The following HS3ST4 variants were observed in gnomAD, a reference collection of about 807,000 sequenced individuals.
The protein encoded by HS3ST4 is heparan sulfate-glucosamine 3-sulfotransferase 4.
A neutral mutation model predicts 29.2 loss-of-function variants in HS3ST4; 17 were observed. That is an observed-to-expected ratio of 0.58 (90% confidence interval 0.40 to 0.87). HS3ST4 has a LOEUF of 0.87. Among genes scored for constraint, HS3ST4 ranks in the 40% least tolerant of loss-of-function variants. The pLI, the probability that HS3ST4 is intolerant of heterozygous loss-of-function variation, is 0.00. For synonymous variants in HS3ST4, 314 were observed against 285.7 expected, an observed-to-expected ratio of 1.10 and a Z score of -1.00; for missense variants, 627 against 634.5, an observed-to-expected ratio of 0.99 and a Z score of 0.13.
intron 1 of HS3ST4, among the ~76,000 whole-genome samples, chr16:25,773,265 C>A (rs1330092255): frequency 1.3e-5 from 2 of 152,162 alleles, no homozygotes; most frequent in Admixed American, 1.3e-4. Context: ...TTCCTCAGCT[C>A]CAGCACCTCC....
chr16:25,957,031 G>GTTGAGTC (rs1435147066), intron 1 of HS3ST4, among the ~76,000 whole-genome samples: 1 of 150,040 alleles, frequency 6.7e-6, no homozygotes, highest in Non-Finnish European at 1.5e-5. Context: ...TGGGTTTTGT[G>GTTGAGTC]TTGAGTCTGG....
intron 1 of HS3ST4, among the ~76,000 whole-genome samples, chr16:25,920,103 C>G (rs1404168178): frequency 6.6e-6 from 1 of 152,090 alleles, no homozygotes; most frequent in Non-Finnish European, 1.5e-5. Context: ...CCCATGATTT[C>G]TAATGTCAGT....
At chr16:25,733,443 C>G (rs985206937) in intron 1 of HS3ST4, among the ~76,000 whole-genome samples, 1 of 152,068 alleles carries the variant, frequency 6.6e-6, no homozygotes, top group Non-Finnish European at 1.5e-5. Flanking sequence ...AGCATCTAGC[C>G]CCGTCATGAG....
chr16:25,852,711 CAG>C (rs1967534023), intron 1 of HS3ST4, among the ~76,000 whole-genome samples: 1 of 152,068 alleles, frequency 6.6e-6, no homozygotes, highest in Non-Finnish European at 1.5e-5. Context: ...TTTTGTCAAA[CAG>C]AAGTTTTAAA....
chr16:25,715,367 C>T (rs923140796), intron 1 of HS3ST4, among the ~76,000 whole-genome samples: 13 of 148,540 alleles, frequency 8.8e-5, no homozygotes, highest in East Asian at 5.8e-4. Flanking sequence ...AAAAACTCAG[C>T]GCCTTTTGTG....
intron 1 of HS3ST4, among the ~76,000 whole-genome samples, chr16:25,782,223 A>G (rs1312513138): frequency 1.3e-5 from 2 of 152,108 alleles, no homozygotes; most frequent in Non-Finnish European, 2.9e-5. Context: ...CCATAATCCA[A>G]TCACTTCCCA....
intron 1 of HS3ST4, among the ~76,000 whole-genome samples, chr16:26,070,265 G>T (rs1219452185): frequency 6.6e-6 from 1 of 152,200 alleles, no homozygotes. Flanking sequence ...GGTGTGAGAT[G>T]ATATGTCATT....
At chr16:25,973,745 G>T in intron 1 of HS3ST4, among the ~76,000 whole-genome samples, 1 of 152,078 alleles carries the variant, frequency 6.6e-6, no homozygotes, top group Non-Finnish European at 1.5e-5. Context: ...TATTAATTCG[G>T]GACTTTTAAA....
intron 1 of HS3ST4, among the ~76,000 whole-genome samples, chr16:25,712,276 C>T (rs536803241): frequency 3.3e-5 from 5 of 152,302 alleles, no homozygotes; most frequent in African/African-American, 1.2e-4. Context: ...ACTCCCAGCA[C>T]TTTCAGAAGC....
intron 1 of HS3ST4, among the ~76,000 whole-genome samples, chr16:25,798,862 A>G (rs551614989): frequency 5.3e-4 from 80 of 152,284 alleles, no homozygotes; most frequent in African/African-American, 1.8e-3. Context: ...GATTCATCAG[A>G]CATGCCCGTC....
chr16:25,828,242 C>CTA (rs1371928058), intron 1 of HS3ST4, among the ~76,000 whole-genome samples: 7 of 75,030 alleles, frequency 9.3e-5, no homozygotes, highest in Admixed American at 3.0e-4. Context: ...TTCTTTCTTT[C>CTA]TCTTTCTTTC....
chr16:26,112,234 GTGTGTGTGTGTGTGTA>G (rs1436599297), intron 1 of HS3ST4, among the ~76,000 whole-genome samples: 1 of 99,400 alleles, frequency 1.0e-5, no homozygotes, highest in Admixed American at 9.1e-5. Flanking sequence ...CCATGCTCGA[GTGTGTGTGTGTGTGTA>G]TGTGTGTGTG....
intron 1 of HS3ST4, among the ~76,000 whole-genome samples, chr16:26,031,046 T>C (rs541386650): frequency 6.6e-6 from 1 of 152,340 alleles, no homozygotes; most frequent in African/African-American, 2.4e-5. Context: ...ATTAGATTTA[T>C]GTAAAGTACC....
intron 1 of HS3ST4, among the ~76,000 whole-genome samples, chr16:25,867,456 C>T (rs1028947397): frequency 2.6e-5 from 4 of 152,166 alleles, no homozygotes; most frequent in Admixed American, 6.5e-5. Flanking sequence ...GGTCCATGTG[C>T]GGCTTTAGAA....
chr16:25,919,572 G>A (rs917111395), intron 1 of HS3ST4, among the ~76,000 whole-genome samples: 4 of 152,170 alleles, frequency 2.6e-5, no homozygotes, highest in African/African-American at 4.8e-5. Context: ...ATATCACTTA[G>A]GGAGATAAGG....
chr16:25,897,095 C>A (rs183455508), intron 1 of HS3ST4, among the ~76,000 whole-genome samples: 68 of 152,232 alleles, frequency 4.5e-4, no homozygotes, highest in Admixed American at 1.0e-3. Context: ...CAAACCCCAG[C>A]ATTATGTAAT....
At chr16:25,909,221 C>T (rs1596610838) in intron 1 of HS3ST4, among the ~76,000 whole-genome samples, 2 of 152,278 alleles carry the variant, frequency 1.3e-5, no homozygotes, top group South Asian at 4.1e-4. Flanking sequence ...TGGGCTCTTG[C>T]TCTGCAGCCC....
chr16:25,885,951 G>A (rs1219362193), intron 1 of HS3ST4, among the ~76,000 whole-genome samples: 2 of 149,072 alleles, frequency 1.3e-5, no homozygotes, highest in African/African-American at 4.9e-5. Context: ...AGAAATAATA[G>A]AAATTAGACT....
chr16:25,830,308 T>G (rs1967280980), intron 1 of HS3ST4, among the ~76,000 whole-genome samples: 1 of 152,248 alleles, frequency 6.6e-6, no homozygotes, highest in Non-Finnish European at 1.5e-5. Flanking sequence ...GCTTTTCTTT[T>G]CTTTCTTTAT....
Sources: allele counts gnomAD v4.1 joint callset (sites outside exome capture counted in the v4.1 genomes callset), GRCh38; gene constraint gnomAD v4.1.1; transcripts MANE v1.5; gene names NCBI Gene and HGNC (gene_info 2026-07-23, HGNC 2026-07-21).